Variants in ZYG11A observed in about 807,000 individuals in gnomAD.
The protein encoded by ZYG11A is zyg-11 family member A, cell cycle regulator.
In ZYG11A, 62 loss-of-function variants were observed where a neutral mutation model predicts 77.2. That is an observed-to-expected ratio of 0.80 (90% confidence interval 0.65 to 0.99). The LOEUF is 0.99. ZYG11A is among the 50% of genes least tolerant of loss of function. The pLI is 0.00. For missense variants in ZYG11A, 828 were observed against 896.8 expected, an observed-to-expected ratio of 0.92 and a Z score of 0.98; for synonymous variants, 315 against 324.6, an observed-to-expected ratio of 0.97 and a Z score of 0.32.
intron 1 of ZYG11A, among the ~76,000 whole-genome samples, chr1:52,843,368 A>G (rs1018110700): frequency 2.6e-5 from 4 of 152,226 alleles, no homozygotes; most frequent in African/African-American, 7.2e-5. Flanking sequence ...GTGTTTTTGC[A>G]GTCATGAACC....
chr1:52,855,162 T>A (rs1645786820), intron 2 of ZYG11A, among the ~76,000 whole-genome samples: 2 of 150,858 alleles, frequency 1.3e-5, no homozygotes, highest in South Asian at 4.2e-4. Context: ...GTGCCCGGCC[T>A]GCTCTCTAGC....
intron 2 of ZYG11A, 81 bp downstream of exon 2, chr1:52,854,711 G>GTGT: frequency 1.6e-6 from 2 of 1,286,048 alleles, no homozygotes; most frequent in Non-Finnish European, 2.1e-6. Flanking sequence ...TTTCTATTGT[G>GTGT]ATTCTCACAA....
chr1:52,872,462 A>G (rs1646184467), intron 8 of ZYG11A, among the ~76,000 whole-genome samples: 1 of 152,172 alleles, frequency 6.6e-6, no homozygotes, highest in African/African-American at 2.4e-5. Context: ...AAGAGTTCTG[A>G]TGGAGATGTA....
chr1:52,858,317 A>G lies in ZYG11A; in HGVS notation c.1008+568A>G, dbSNP rs567533578. Among the ~76,000 whole-genome samples the G allele has an allele frequency of 4.7e-5, 7 of 150,104 alleles. No individual in the cohort carries two copies. In the South Asian group the frequency reaches 1.5e-3, roughly 32 times the overall value. ...AGGCTGAGGCAGGAGAATCACTTGA[A>G]CCTGGGAGGTGGAGGTTGCACCACT... On this transcript the variant is annotated intron_variant, in intron 3 of 13. Coordinates refer to ENST00000371528, the MANE Select transcript of ZYG11A (RefSeq NM_001004339.3).
chr1:52,849,515 G>T (rs1380736061), intron 1 of ZYG11A, among the ~76,000 whole-genome samples: 5 of 150,894 alleles, frequency 3.3e-5, no homozygotes, highest in Non-Finnish European at 7.4e-5. Flanking sequence ...ACAGGTGTGC[G>T]CCAACATGCC....
intron 10 of ZYG11A, among the ~76,000 whole-genome samples, chr1:52,880,433 A>G (rs1165473491): frequency 2.6e-5 from 4 of 152,130 alleles, no homozygotes; most frequent in African/African-American, 9.7e-5. Flanking sequence ...TTTTGTAGAC[A>G]GACTCTCCCA....
At position 52,864,150 on chromosome 1, in the gene ZYG11A, A is replaced by G; in HGVS notation, c.1319A>G (p.Tyr440Cys). Residue 440 changes from tyrosine (Y) to cysteine (C), a missense_variant, in exon 5 of 14, where the codon TAC becomes TGC. Transcript: ENST00000371528. ...AAGGCTCTGAAAAATTTCCCCCATT[A>G]CCAGCAGGTAATTTCAATTGAATAT... The part of the protein sequence containing the change: ...LFKALKNFPH[Y>C]QQLQKNCLLS... 6.4e-7 allele frequency: 1 copy of G among 1,551,126 alleles called. No individual in the cohort carries two copies. Among genetic ancestry groups the G allele is most frequent in the East Asian group, 2.4e-5 (1 of 40,930 alleles).
intron 10 of ZYG11A, among the ~76,000 whole-genome samples, chr1:52,878,502 C>A (rs1646301896): frequency 1.3e-5 from 2 of 152,082 alleles, no homozygotes; most frequent in Admixed American, 6.5e-5. Context: ...TATTTAAGCC[C>A]AGATTAAAGG....
chr1:52,882,858 T>G (rs1489821384), intron 11 of ZYG11A, among the ~76,000 whole-genome samples: 1 of 152,036 alleles, frequency 6.6e-6, no homozygotes, highest in Non-Finnish European at 1.5e-5. Context: ...TTTTGTTAAT[T>G]TTTTTCTTCT....
chr1:52,893,055 C>T lies in ZYG11A; in HGVS notation c.*98C>T. 1 of 1,092,398 alleles carries T rather than the reference C, an allele frequency of 9.2e-7. No homozygotes were observed. Among genetic ancestry groups the T allele is most frequent in the Non-Finnish European group, 1.3e-6 (1 of 773,846 alleles). 67.7% of individuals were successfully genotyped at this position (1,092,398 alleles called of 1,614,324 possible). A position where few individuals can be genotyped will look rare whatever the true frequency, so the allele number is the denominator to read the frequency against. On this transcript the variant is annotated 3_prime_UTR_variant, in exon 14 of 14. Transcript: ENST00000371528. ...GTTGTCATTGGAGTTTGTGAGTTGGCTGTCTCATTGGCCTTTGATTGTTGA... is the reference window on the plus strand; with the variant it reads ...GTTGTCATTGGAGTTTGTGAGTTGGTTGTCTCATTGGCCTTTGATTGTTGA...
Position 52,864,144 on chromosome 1 carries a change from C to G in ZYG11A, c.1313C>G (p.Pro438Arg). ...CLLFKALKNF[P>R]HYQQLQKNCL... ...CTTTTCAAGGCTCTGAAAAATTTCC[C>G]CCATTACCAGCAGGTAATTTCAATT... is the stretch of plus-strand genomic sequence containing the variant. The change falls in exon 5 of 14, where the codon CCC (proline) becomes CGC (arginine). Residue 438 changes from proline to arginine, a missense_variant. Physicochemically the swap from Pro to Arg is moderately radical, Grantham distance 103. Transcript: ENST00000371528. The G allele has an allele frequency of 6.4e-7, 1 of 1,551,284 alleles. No homozygotes were observed. The highest frequency in any genetic ancestry group is 2.4e-5 in the East Asian group (1 of 40,930).
intron 11 of ZYG11A, among the ~76,000 whole-genome samples, chr1:52,885,358 T>C (rs1348990643): frequency 2.7e-5 from 4 of 150,788 alleles, no homozygotes; most frequent in African/African-American, 4.9e-5. Context: ...TTTTTTGAGA[T>C]GCCCGGCTAA....
In ZYG11A at chr1:52,846,347, TA is replaced by T. The variant is rs1645582818; in HGVS notation, c.90+3375del. 5.0e-5 allele frequency among the ~76,000 whole-genome samples: 2 copies of T among 39,714 alleles called. 1 individual carries two copies. Among genetic ancestry groups the T allele is most frequent in the Non-Finnish European group, 9.0e-5 (2 of 22,230 alleles). The allele number at this position is 39,714 out of a possible 152,430, so 26.1% of individuals were successfully genotyped here. On this transcript the variant is annotated intron_variant, in intron 1 of 13. Transcript: ENST00000371528. ...ATATATATATATATATATATATATA[TA>T]TATATATATATATATATATTTTGAA...
At chr1:52,871,288 C>T (rs1446984488) in intron 8 of ZYG11A, among the ~76,000 whole-genome samples, 1 of 152,058 alleles carries the variant, frequency 6.6e-6, no homozygotes, top group East Asian at 1.9e-4. Flanking sequence ...CATTCAGCCT[C>T]CTCACGTTTT....
At chr1:52,859,667 CTTTTTTTTTTTT>C (rs60756718) in intron 3 of ZYG11A, among the ~76,000 whole-genome samples, 54 of 42,944 alleles carry the variant, frequency 1.3e-3, no homozygotes, top group East Asian at 0.011. Context: ...TGTGTATTGC[CTTTTTTTTTTTT>C]TTTTTTTTTT....
At position 52,842,991 on chromosome 1, in the gene ZYG11A, G is replaced by A; in HGVS notation, c.90+18G>A. 1 of 1,506,562 alleles carries A rather than the reference G, an allele frequency of 6.6e-7. No individual in the cohort carries two copies. The highest frequency in any genetic ancestry group is 8.9e-7 in the Non-Finnish European group (1 of 1,128,702). 93.3% of individuals were successfully genotyped at this position (1,506,562 alleles called of 1,614,324 possible). ...TGGTACAGGTGAGCACCGGGGTGCGGGCGGCGACGCGGACCTCGGCGCCAC... is the reference window on the plus strand; with the variant it reads ...TGGTACAGGTGAGCACCGGGGTGCGAGCGGCGACGCGGACCTCGGCGCCAC... On this transcript the variant is annotated intron_variant, in intron 1 of 13. Coordinates refer to ENST00000371528, the MANE Select transcript of ZYG11A (RefSeq NM_001004339.3).
intron 1 of ZYG11A, among the ~76,000 whole-genome samples, chr1:52,854,222 T>C (rs1645765941): frequency 6.6e-6 from 1 of 152,156 alleles, no homozygotes; most frequent in Admixed American, 6.6e-5. Context: ...GTCAGAGAGT[T>C]CTGGAACCAA....
At chr1:52,851,114 G>C (rs560916330) in intron 1 of ZYG11A, among the ~76,000 whole-genome samples, 4 of 151,256 alleles carry the variant, frequency 2.6e-5, no homozygotes, top group African/African-American at 9.7e-5. Context: ...ACGGCTCATT[G>C]CCTCACTGCA....
chr1:52,877,764 A>G lies in ZYG11A; in HGVS notation c.1625A>G (p.Asn542Ser), dbSNP rs1280502364. 1.3e-6 allele frequency: 2 copies of G among 1,552,030 alleles called. No homozygotes were observed. The highest frequency in any genetic ancestry group is 2.7e-5 in the African/African-American group (2 of 73,186). The part of the protein sequence containing the change: ...TFLFTLKALW[N>S]LTDGSPAACK... ...TTGTTTACTTTGAAAGCACTTTGGA[A>G]TCTTACAGATGGGTCTCCAGCTGCC... Residue 542 changes from asparagine (N) to serine (S), a missense_variant, in exon 9 of 14, where the codon AAT becomes AGT. Transcript: ENST00000371528.
Sources: gnomAD v4.1 joint callset for allele counts (sites outside exome capture counted in the v4.1 genomes callset) on GRCh38, gnomAD v4.1.1 for gene constraint, MANE v1.5 for transcripts, NCBI Gene and HGNC (gene_info 2026-07-23, HGNC 2026-07-21) for gene names.